BMP7: variants seen among roughly 807,000 people sequenced by gnomAD.
BMP7 encodes the protein osteogenic protein 1.
A neutral mutation model predicts 41.2 loss-of-function variants in BMP7; 12 were observed. That is an observed-to-expected ratio of 0.29 (90% CI 0.19 to 0.47). The LOEUF is 0.47. BMP7 is among the 20% of genes least tolerant of loss of function. BMP7 has a pLI of 0.99. For missense variants in BMP7, 467 were observed against 606.0 expected (o/e 0.77, Z 2.41); for synonymous variants, 248 against 250.0 (o/e 0.99, Z 0.07).
In BMP7 at chr20:57,266,278, G is replaced by C. The variant is rs761528013; in HGVS notation, c.-156C>G. On this transcript the variant is annotated 5_prime_UTR_variant, in exon 1 of 7. Coordinates refer to ENST00000395863, the MANE Select transcript of BMP7 (RefSeq NM_001719.3). ...ACATGGCCCCTCCCCGGCCGGCCGC[G>C]CTCTGCCCGGACCCCCGCCCCCTGC... The C allele has an allele frequency of 4.0e-5, 26 of 644,502 alleles. No individual in the cohort carries two copies. Among genetic ancestry groups the C allele is most frequent in the Non-Finnish European group, 5.5e-5 (25 of 452,440 alleles). 39.9% of individuals were successfully genotyped at this position (644,502 alleles called of 1,614,324 possible).
intron 3 of BMP7, among the ~76,000 whole-genome samples, chr20:57,186,872 G>A (rs1292750864): frequency 2.6e-5 from 4 of 152,120 alleles, no homozygotes; most frequent in Admixed American, 6.5e-5. Flanking sequence ...TCCCTTTAAC[G>A]TTTGGCTTTC....
intron 1 of BMP7, among the ~76,000 whole-genome samples, chr20:57,246,166 C>T (rs1351985319): frequency 1.3e-5 from 2 of 152,172 alleles, no homozygotes; most frequent in East Asian, 1.9e-4. Context: ...GCACACGTTA[C>T]ACCTCAATAA....
chr20:57,210,278 C>T (rs1984847163), intron 2 of BMP7, among the ~76,000 whole-genome samples: 2 of 152,182 alleles, frequency 1.3e-5, no homozygotes, highest in African/African-American at 4.8e-5. Flanking sequence ...CCAAGGACGC[C>T]CAGGTGAATC....
intron 1 of BMP7, among the ~76,000 whole-genome samples, chr20:57,262,062 T>C (rs1368745021): frequency 6.6e-6 from 1 of 152,150 alleles, no homozygotes; most frequent in African/African-American, 2.4e-5. Flanking sequence ...TTACACAAAT[T>C]TCATGCCTTC....
intron 6 of BMP7, among the ~76,000 whole-genome samples, chr20:57,172,469 G>C (rs1983834172): frequency 6.6e-6 from 1 of 152,244 alleles, no homozygotes; most frequent in Non-Finnish European, 1.5e-5. Flanking sequence ...TAAATGAAAG[G>C]AGGGAGTAGT....
At chr20:57,179,174 C>T (rs761303929) in intron 4 of BMP7, among the ~76,000 whole-genome samples, 2 of 152,172 alleles carry the variant, frequency 1.3e-5, no homozygotes, top group East Asian at 1.9e-4. Context: ...AGAAAGTGGC[C>T]GGAGCTCCTG....
At chr20:57,230,127 G>T (rs2066023569) in intron 1 of BMP7, among the ~76,000 whole-genome samples, 1 of 152,156 alleles carries the variant, frequency 6.6e-6, no homozygotes. Flanking sequence ...GGGAGGGAAG[G>T]ACTCTCCAGA....
intron 2 of BMP7, among the ~76,000 whole-genome samples, chr20:57,225,214 T>C (rs77768887): frequency 0.029 from 4,392 of 152,122 alleles, 222 homozygotes; most frequent in African/African-American, 0.1. Flanking sequence ...AAAAAGCCTA[T>C]CTCTGAACAG....
chr20:57,184,902 C>T (rs541936760), intron 3 of BMP7, among the ~76,000 whole-genome samples: 5 of 152,310 alleles, frequency 3.3e-5, no homozygotes, highest in South Asian at 2.1e-4. Flanking sequence ...TTAGACTTCT[C>T]GCCTCCAGAC....
chr20:57,243,101 C>T (rs1411783162), intron 1 of BMP7, among the ~76,000 whole-genome samples: 4 of 152,196 alleles, frequency 2.6e-5, no homozygotes, highest in East Asian at 3.8e-4. Flanking sequence ...GAGGTGCTGT[C>T]GCCCACACTG....
At chr20:57,197,907 G>A (rs1984532670) in intron 3 of BMP7, among the ~76,000 whole-genome samples, 3 of 152,172 alleles carry the variant, frequency 2.0e-5, no homozygotes, top group Non-Finnish European at 4.4e-5. Context: ...GAGTGTGCAG[G>A]GGTTGCTAGT....
chr20:57,176,791 C>CACACACACACACACACACA (rs1555811498), intron 4 of BMP7, among the ~76,000 whole-genome samples: 2 of 149,952 alleles, frequency 1.3e-5, no homozygotes, highest in African/African-American at 4.9e-5. Context: ...CACACACACA[C>CACACACACACACACACACA]CTGTTAACTG....
intron 1 of BMP7, among the ~76,000 whole-genome samples, chr20:57,250,713 AGTCAACT>A (rs2066108995): frequency 2.0e-5 from 3 of 152,322 alleles, no homozygotes; most frequent in Admixed American, 1.3e-4. Context: ...GCCAGCCCAC[AGTCAACT>A]GTCTAAACCC....
chr20:57,257,648 G>C (rs1458963248), intron 1 of BMP7, among the ~76,000 whole-genome samples: 1 of 152,120 alleles, frequency 6.6e-6, no homozygotes, highest in East Asian at 1.9e-4. Context: ...GAGATCAAAA[G>C]CATTTAGAAG....
At chr20:57,265,450 C>G (rs1489402861) in intron 1 of BMP7, among the ~76,000 whole-genome samples, 2 of 152,246 alleles carry the variant, frequency 1.3e-5, no homozygotes. Context: ...CGGCCGGCGG[C>G]GTAACATGGA....
At chr20:57,238,856 G>A (rs1050112541) in intron 1 of BMP7, among the ~76,000 whole-genome samples, 2 of 152,146 alleles carry the variant, frequency 1.3e-5, no homozygotes, top group African/African-American at 4.8e-5. Context: ...ATCAGATCTT[G>A]TGAGATTCAC....
intron 1 of BMP7, among the ~76,000 whole-genome samples, chr20:57,263,989 C>T (rs982696674): frequency 6.6e-6 from 1 of 152,172 alleles, no homozygotes; most frequent in African/African-American, 2.4e-5. Flanking sequence ...CACTCATCTG[C>T]ACCTTGCTTC....
intron 1 of BMP7, among the ~76,000 whole-genome samples, chr20:57,244,212 C>T (rs954045722): frequency 1.3e-5 from 2 of 152,220 alleles, no homozygotes; most frequent in African/African-American, 4.8e-5. Flanking sequence ...GAATGTCTAA[C>T]ACATGCCCAG....
chr20:57,176,208 C>T (rs1983918477), intron 4 of BMP7, among the ~76,000 whole-genome samples: 1 of 151,196 alleles, frequency 6.6e-6, no homozygotes, highest in African/African-American at 2.4e-5. Context: ...AATAATGAAG[C>T]CCCCCTGGCC....
Sources: allele counts gnomAD v4.1 joint callset (sites outside exome capture counted in the v4.1 genomes callset), GRCh38; gene constraint gnomAD v4.1.1; transcripts MANE v1.5; gene names NCBI Gene and HGNC (gene_info 2026-07-23, HGNC 2026-07-21).